MYH7: variants seen among roughly 807,000 people sequenced by gnomAD.
The protein encoded by MYH7 is myosin-7.
MYH7 carries 129 observed loss-of-function variants against 225.4 expected under a neutral mutation model. That is an observed-to-expected ratio of 0.57 (90% CI 0.50 to 0.66). MYH7 has a LOEUF of 0.66. MYH7 is among the 30% of genes least tolerant of loss of function. The pLI is 0.00. For missense variants in MYH7, 1,649 were observed against 2,517.0 expected, an observed-to-expected ratio of 0.66 and a Z score of 7.38; for synonymous variants, 971 against 1,007.6, an observed-to-expected ratio of 0.96 and a Z score of 0.69.
intron 30 of MYH7, chr14:23,417,904 A>C: frequency 3.4e-6 from 3 of 878,096 alleles, no homozygotes; most frequent in Non-Finnish European, 5.9e-6. Context: ...CCTCTGCGCT[A>C]TGGACATTGA....
intron 6 of MYH7, 96 bp from the exon 7 acceptor site, chr14:23,431,965 G>C: frequency 7.7e-7 from 1 of 1,304,162 alleles, no homozygotes; most frequent in East Asian, 2.3e-5. Context: ...CCGAGAGTAG[G>C]AGCCCTGGGC....
chr14:23,423,846 G>T, intron 23 of MYH7, 61 bp downstream of exon 23: 1 of 1,613,594 alleles, frequency 6.2e-7, no homozygotes, highest in Non-Finnish European at 8.5e-7. Flanking sequence ...CTGGGTCAAG[G>T]TCAGTATGGT....
At position 23,415,949 on chromosome 14, in the gene MYH7, A is replaced by C. The variant is rs1892184510; in HGVS notation, c.4953+55T>G. 6.2e-6 allele frequency: 10 copies of C among 1,613,718 alleles called. No individual in the cohort carries two copies. The South Asian group carries it at 7.7e-5, about 12-fold the overall frequency. On this transcript the variant is annotated intron_variant, in intron 34 of 39. Coordinates refer to ENST00000355349, the MANE Select transcript of MYH7 (RefSeq NM_000257.4). This position sits in a 1 kb window ranked among gnomAD's most constrained non-coding sequence, Gnocchi z 6.3. ...GCAGGAGGAATCTGGTGCCTGTATC[A>C]AGACACTACTGCTTCGCCAGGCCAC...
rs1892745055 is a variant in MYH7, at chr14:23,427,622, G to A, written c.1851C>T (p.Leu617=). The A allele has an allele frequency of 3.7e-6, 6 of 1,614,052 alleles. No homozygotes were observed. The highest frequency in any genetic ancestry group is 1.1e-5 in the South Asian group (1 of 91,088). ...CAGCATAGTTGGCAAACAGGGTGCT[G>A]AGCAGCTTGAGGGAAGACTTCTGAT... The part of the protein sequence containing the change: ...GLYQKSSLKL[L]STLFANYAGA... Residue 617 remains leucine, a synonymous_variant, in exon 16 of 40, where the codon CTC becomes CTT. Coordinates refer to ENST00000355349, the MANE Select transcript of MYH7 (RefSeq NM_000257.4).
Position 23,418,352 on chromosome 14 carries a change from G to T in MYH7, c.4027C>A (p.Leu1343Met), listed in dbSNP as rs1054788007. Residue 1343 changes from leucine to methionine, a missense_variant, in exon 30 of 40, where the codon CTG becomes ATG. Physicochemically the swap from Leu to Met is conservative, Grantham distance 15. Around this residue, in one of 12 missense-constraint regions of MYH7, gnomAD observed 687 missense variants for 913.8 expected, o/e 0.75. Transcript: ENST00000355349. ...GTCTCCTCCTCGTACTGCTCCCGCA[G>T]CAGGTCGCAGTCATGCCGGGCCGAC... ...LQSARHDCDL[L>M]REQYEEETEA... is the part of the protein sequence containing the mutation. The T allele has an allele frequency of 6.2e-7, 1 of 1,613,800 alleles. No homozygotes were observed. Among genetic ancestry groups the T allele is most frequent in the African/African-American group, 1.3e-5 (1 of 74,924 alleles).
Position 23,413,881 on chromosome 14 carries a change from T to A in MYH7, c.5668A>T (p.Asn1890Tyr). The A allele has an allele frequency of 1.9e-6, 3 of 1,614,254 alleles. No individual in the cohort carries two copies. Among genetic ancestry groups the A allele is most frequent in the Non-Finnish European group, 2.5e-6 (3 of 1,180,050 alleles). Residue 1890 changes from asparagine (N) to tyrosine (Y), a missense_variant, in exon 39 of 40, where the codon AAC becomes TAC. By Grantham distance (143) the Asn-to-Tyr change is moderately radical. Transcript: ENST00000355349. ...TTGCGGAACTTGGACAGGTTGGTGTTGGCTTGCTCCTCCTGCGGGAGGTGG... is the reference window on the plus strand; with the variant it reads ...TTGCGGAACTTGGACAGGTTGGTGTAGGCTTGCTCCTCCTGCGGGAGGTGG... ...RQAEEAEEQANTNLSKFRKVQ... is the reference protein window; with the variant it reads ...RQAEEAEEQAYTNLSKFRKVQ...
chr14:23,420,545 G>A (rs1017733140), intron 26 of MYH7, among the ~76,000 whole-genome samples: 2 of 152,172 alleles, frequency 1.3e-5, no homozygotes, highest in Non-Finnish European at 2.9e-5. Context: ...GAAAATGAGA[G>A]AGCCGTATTT....
At chr14:23,431,998 A>G (rs1892966888) in intron 6 of MYH7, 129 bp from the exon 7 acceptor site, 1 of 932,412 alleles carries the variant, frequency 1.1e-6, no homozygotes, top group African/African-American at 1.6e-5. Flanking sequence ...GGTTATCTAC[A>G]CCCAAAATCC....
At position 23,429,012 on chromosome 14, in the gene MYH7, C is replaced by T; in HGVS notation, c.1350G>A (p.Lys450=). 1.2e-6 allele frequency: 2 copies of T among 1,614,210 alleles called. No homozygotes were observed. The highest frequency in any genetic ancestry group is 4.5e-5 in the East Asian group (2 of 44,870). The part of the protein sequence containing the change: ...VTRINATLET[K]QPRQYFIGVL... The stretch of plus-strand genomic sequence containing the variant: ...CTCCTATGAAGTACTGGCGTGGCTG[C>T]TTGGTCTCCAGGGTGGCATTGATGC... Residue 450 remains lysine, a synonymous_variant, in exon 14 of 40, where the codon AAG becomes AAA. Coordinates refer to ENST00000355349, the MANE Select transcript of MYH7 (RefSeq NM_000257.4).
intron 16 of MYH7, 47 bp downstream of exon 16, chr14:23,427,538 G>A (rs377140638): frequency 4.4e-6 from 7 of 1,606,514 alleles, no homozygotes; most frequent in South Asian, 1.1e-5. Context: ...TCAGAACCTT[G>A]GCAGAATCCC....
rs777259259 is a variant in MYH7, at chr14:23,430,926, C to G, written c.870G>C (p.Leu290=). ...ERDYHIFYQI[L]SNKKPELLDM... ...CCAGCAGCTCAGGCTTTTTGTTAGA[C>G]AGGATTTGGTAGAAAATGTGATAAT... Residue 290 remains leucine (L), a synonymous_variant, in exon 10 of 40, where the codon CTG becomes CTC. Coordinates refer to ENST00000355349, the MANE Select transcript of MYH7 (RefSeq NM_000257.4). 6.2e-7 allele frequency: 1 copy of G among 1,613,894 alleles called. No individual in the cohort carries two copies. Among genetic ancestry groups the G allele is most frequent in the Non-Finnish European group, 8.5e-7 (1 of 1,179,810 alleles).
chr14:23,434,385 T>C (rs963576591), intron 1 of MYH7, 136 bp from the exon 2 acceptor site: 5 of 437,776 alleles, frequency 1.1e-5, no homozygotes, highest in Non-Finnish European at 1.5e-5. Context: ...TCAGCTTCTC[T>C]GGTCCCATCC....
chr14:23,424,654 CAG>C, intron 22 of MYH7, 113 bp downstream of exon 22: 2 of 1,560,098 alleles, frequency 1.3e-6, no homozygotes, highest in Non-Finnish European at 1.7e-6. Flanking sequence ...GTGTTGATCC[CAG>C]AGTCCTCTGA....
Position 23,416,028 on chromosome 14 carries a change from G to A in MYH7, c.4929C>T (p.Val1643=), listed in dbSNP as rs2138641535. ...CCTTCAACAAGCTCTGGAGGCTCTTGACTTGCTTCTGGGCCTCGGCGGCCA... is the reference window on the plus strand; with the variant it reads ...CCTTCAACAAGCTCTGGAGGCTCTTAACTTGCTTCTGGGCCTCGGCGGCCA... The part of the protein sequence containing the change: ...NRMAAEAQKQ[V]KSLQSLLKDT... The change falls in exon 34 of 40, where the codon GTC becomes GTT. Residue 1643 remains valine, a synonymous_variant. Transcript: ENST00000355349. The A allele has an allele frequency of 6.2e-7, 1 of 1,614,218 alleles. No individual in the cohort carries two copies. Among genetic ancestry groups the A allele is most frequent in the East Asian group, 2.2e-5 (1 of 44,894 alleles).
At position 23,420,938 on chromosome 14, in the gene MYH7, C is replaced by T. The variant is rs374030900; in HGVS notation, c.3336+20G>A. The T allele has an allele frequency of 3.1e-5, 49 of 1,604,248 alleles. No individual in the cohort carries two copies. In the Admixed American group the frequency reaches 6.8e-4, roughly 22 times the overall value. On this transcript the variant is annotated intron_variant, in intron 26 of 39. Transcript: ENST00000355349. ...ACCAGCCCAGGGACTCAGCATCCCG[C>T]GTGGGTGTCCAGACCTCACCTGAAG... is the stretch of plus-strand genomic sequence containing the variant.
rs758889483 is a variant in MYH7 at position 23,419,548 on chromosome 14, G to T, written c.3788C>A (p.Ala1263Glu). 3 of 1,613,992 alleles carry T rather than the reference G, an allele frequency of 1.9e-6. No homozygotes were observed. In the South Asian group the frequency reaches 3.3e-5, roughly 18 times the overall value. Residue 1263 changes from alanine (A) to glutamate (E), a missense_variant, in exon 28 of 40, where the codon GCG becomes GAG. This residue lies in a region of MYH7 where 687 missense variants were observed against 913.8 expected (regional missense o/e 0.75). Transcript: ENST00000355349. ...EDQMNEHRSK[A>E]EETQRSVNDL... Reference sequence around the variant, plus strand: ...GTTGACAGAACGCTGGGTCTCCTCCGCCTTGCTCCGGTGCTCATTCATCTG... The same window carrying T: ...GTTGACAGAACGCTGGGTCTCCTCCTCCTTGCTCCGGTGCTCATTCATCTG...
chr14:23,422,680 G>T (rs1338360943), intron 24 of MYH7, among the ~76,000 whole-genome samples: 13 of 141,604 alleles, frequency 9.2e-5, no homozygotes, highest in African/African-American at 3.4e-4. Context: ...CGCCAGGCTG[G>T]AGTGCAGTGG....
Position 23,428,686 on chromosome 14 carries a change from G to C in MYH7, c.1408-16C>G, listed in dbSNP as rs769852384. 5 of 1,614,026 alleles carry C rather than the reference G, an allele frequency of 3.1e-6. No individual in the cohort carries two copies. Among genetic ancestry groups the C allele is most frequent in the Non-Finnish European group, 4.2e-6 (5 of 1,179,920 alleles). On this transcript the variant is annotated splice_polypyrimidine_tract_variant and intron_variant, in intron 14 of 39. Transcript: ENST00000355349. ...AGCTGTTGAACTGCAGGGGGCATGA[G>C]GGGTGGGAGCAGTCAGAAAGTGGGT... is the stretch of plus-strand genomic sequence containing the variant.
Position 23,428,575 on chromosome 14 carries a change from G to C in MYH7, c.1503C>G (p.Tyr501Ter). Reference protein sequence around the residue: ...HHMFVLEQEEYKKEGIEWTFI... With the variant: ...HHMFVLEQEE ...ATGTCCACTCGATGCCCTCCTTCTTGTACTCCTCCTGCTCCAGCACAAACA... is the reference window on the plus strand; with the variant it reads ...ATGTCCACTCGATGCCCTCCTTCTTCTACTCCTCCTGCTCCAGCACAAACA... The change falls in exon 15 of 40, where the codon TAC (tyrosine) becomes TAG (stop). Residue 501 changes from tyrosine to a stop codon, truncating the protein, a stop_gained. Coordinates refer to ENST00000355349, the MANE Select transcript of MYH7 (RefSeq NM_000257.4). LOFTEE classifies it high-confidence loss of function. 6.2e-7 allele frequency: 1 copy of C among 1,614,186 alleles called. No homozygotes were observed. The highest frequency in any genetic ancestry group is 8.5e-7 in the Non-Finnish European group (1 of 1,180,040).
Sources: gnomAD v4.1 joint callset for allele counts (sites outside exome capture counted in the v4.1 genomes callset) on GRCh38, gnomAD v4.1.1 for gene constraint, gnomAD v4.1.1 regional missense constraint, Gnocchi (gnomAD v3.1) non-coding constraint, MANE v1.5 for transcripts, NCBI Gene and HGNC (gene_info 2026-07-23, HGNC 2026-07-21) for gene names.